NDUFA13: variants seen among roughly 807,000 people sequenced by gnomAD.
NDUFA13 encodes NADH:ubiquinone oxidoreductase subunit A13.
A neutral mutation model predicts 17.0 loss-of-function variants in NDUFA13; 16 were observed. The observed-to-expected ratio is 0.94, with a 90% CI of 0.64 to 1.43. The LOEUF is 1.43. Among genes scored for constraint, NDUFA13 ranks in the 40% most tolerant of loss-of-function variants. The pLI is 0.00. For missense variants in NDUFA13, 228 were observed against 206.7 expected, an observed-to-expected ratio of 1.10 and a Z score of -0.63; for synonymous variants, 87 against 78.4, an observed-to-expected ratio of 1.11 and a Z score of -0.58.
intron 1 of NDUFA13, among the ~76,000 whole-genome samples, chr19:19,519,091 A>T (rs1370389908): frequency 7.7e-6 from 1 of 129,490 alleles, no homozygotes; most frequent in East Asian, 2.2e-4. Flanking sequence ...GGGTTTCACC[A>T]TGTAGGCCAG....
At chr19:19,526,816 TG>T in intron 2 of NDUFA13, 1 of 284,830 alleles carries the variant, frequency 3.5e-6, no homozygotes, top group South Asian at 3.3e-5. Flanking sequence ...GACTGGGAGA[TG>T]GGGGTCATTG....
chr19:19,519,595 C>T (rs1311250405), intron 1 of NDUFA13, among the ~76,000 whole-genome samples: 2 of 152,204 alleles, frequency 1.3e-5, no homozygotes, highest in Admixed American at 1.3e-4. Flanking sequence ...TGGTTCCGGG[C>T]CCTGTCCCCA....
At chr19:19,522,972 TTC>T (rs2061084758) in intron 1 of NDUFA13, among the ~76,000 whole-genome samples, 2 of 152,356 alleles carry the variant, frequency 1.3e-5, no homozygotes, top group South Asian at 4.1e-4. Context: ...CTCAGTTCTG[TTC>T]CATTGATGAA....
chr19:19,516,254 G>A lies in NDUFA13; in HGVS notation c.16G>A (p.Val6Met), dbSNP rs750632502. 5.0e-6 allele frequency: 8 copies of A among 1,614,070 alleles called. No individual in the cohort carries two copies. The Middle Eastern group carries it at 8.2e-4, about 166-fold the overall frequency. Reference sequence around the variant, plus strand: ...TACTGCGAGTATGGCGGCGTCAAAGGTGAAGCAGGACATGCCTCCGCCGGG... The same window carrying A: ...TACTGCGAGTATGGCGGCGTCAAAGATGAAGCAGGACATGCCTCCGCCGGG... MAASK[V>M]KQDMPPPGGY... The change falls in exon 1 of 5, where the codon GTG becomes ATG. Residue 6 changes from valine (V) to methionine (M), a missense_variant. Physicochemically the swap from Val to Met is conservative, Grantham distance 21 (BLOSUM62 1). Coordinates refer to ENST00000507754, the MANE Select transcript of NDUFA13 (RefSeq NM_015965.7).
rs368887750 is a variant in NDUFA13, at chr19:19,521,645, C to T, written c.95-4537C>T. On this transcript the variant is annotated intron_variant, in intron 1 of 4. Coordinates refer to ENST00000507754, the MANE Select transcript of NDUFA13 (RefSeq NM_015965.7). The stretch of plus-strand genomic sequence containing the variant: ...TGAGATGGAGTCTTGCTCTGTCGCC[C>T]GGGCTGGAGTGTAGTGGCACGATCT... Among the ~76,000 whole-genome samples the T allele has an allele frequency of 2.9e-3, 42 of 14,518 alleles. 2 individuals are homozygous for T. The South Asian group carries it at 0.057, about 20-fold the overall frequency. The allele number at this position is 14,518 out of a possible 152,430, so 9.5% of individuals were successfully genotyped here. A position where few individuals can be genotyped will look rare whatever the true frequency, so the allele number is the denominator to read the frequency against.
Position 19,516,346 on chromosome 19 carries a change from T to C in NDUFA13, c.94+14T>C. 6.2e-7 allele frequency: 1 copy of C among 1,612,652 alleles called. No homozygotes were observed. The highest frequency in any genetic ancestry group is 1.1e-5 in the South Asian group (1 of 91,050). ...GAGGACTGTCGGGTCAGTATCACTC[T>C]GCGCCGGGGTCTCAGAGTCTGGGCA... On this transcript the variant is annotated intron_variant, in intron 1 of 4. Coordinates refer to ENST00000507754, the MANE Select transcript of NDUFA13 (RefSeq NM_015965.7).
At chr19:19,527,869 G>A (rs761208350) in intron 4 of NDUFA13, 99 bp downstream of exon 4, 4 of 1,474,392 alleles carry the variant, frequency 2.7e-6, no homozygotes, top group Non-Finnish European at 3.7e-6. Flanking sequence ...CCAGGACCAA[G>A]GGGGTGGTGG....
At chr19:19,516,478 C>G (rs2061049587) in intron 1 of NDUFA13, 146 bp downstream of exon 1, 4 of 859,850 alleles carry the variant, frequency 4.7e-6, no homozygotes, top group Non-Finnish European at 5.7e-6. Flanking sequence ...TGTAATAACG[C>G]TAAGTGCTGC....
chr19:19,523,204 G>A (rs908602816), intron 1 of NDUFA13, among the ~76,000 whole-genome samples: 6 of 152,234 alleles, frequency 3.9e-5, no homozygotes, highest in Non-Finnish European at 7.3e-5. Flanking sequence ...TTTCAAATCT[G>A]TATCAGTTTG....
At chr19:19,527,557 TG>T in intron 3 of NDUFA13, 143 bp from the exon 4 acceptor site, 1 of 937,698 alleles carries the variant, frequency 1.1e-6, no homozygotes, top group Non-Finnish European at 1.7e-6. Flanking sequence ...GCACTGGGGT[TG>T]GGGCAAGAGA....
At position 19,516,435 on chromosome 19, in the gene NDUFA13, C is replaced by T. The variant is rs943035470; in HGVS notation, c.94+103C>T. 3.5e-5 allele frequency: 44 copies of T among 1,248,464 alleles called. 1 individual carries two copies. The highest frequency in any genetic ancestry group is 3.4e-4 in the South Asian group (27 of 80,134). The allele number at this position is 1,248,464 out of a possible 1,614,324, so 77.3% of individuals were successfully genotyped here. On this transcript the variant is annotated intron_variant, in intron 1 of 4. Coordinates refer to ENST00000507754, the MANE Select transcript of NDUFA13 (RefSeq NM_015965.7). ...GCCTCAGTTTTCCCGGCGGTGTGACCGGAGGCGGAGCCCGGGGATCCATCA... is the reference window on the plus strand; with the variant it reads ...GCCTCAGTTTTCCCGGCGGTGTGACTGGAGGCGGAGCCCGGGGATCCATCA...
chr19:19,525,241 A>G (rs1313962143), intron 1 of NDUFA13, among the ~76,000 whole-genome samples: 1 of 152,216 alleles, frequency 6.6e-6, no homozygotes, highest in African/African-American at 2.4e-5. Context: ...CTAACAGGTT[A>G]AATAACCAGG....
In NDUFA13 at chr19:19,527,326, A is replaced by G; in HGVS notation, c.219A>G (p.Pro73=). The stretch of plus-strand genomic sequence containing the variant: ...TCGAGGCTCGCATCGCGCTGTTGCC[A>G]CTGTTACAGGCAGAAACCGACCGGA... ...EDFEARIALL[P]LLQAETDRRT... is the part of the protein sequence containing the mutation. The change falls in exon 3 of 5, where the codon CCA becomes CCG. Residue 73 remains proline (P), a synonymous_variant. Transcript: ENST00000507754. 1 of 1,613,920 alleles carries G rather than the reference A, an allele frequency of 6.2e-7. No individual in the cohort carries two copies. The highest frequency in any genetic ancestry group is 8.5e-7 in the Non-Finnish European group (1 of 1,180,012).
chr19:19,526,625 G>A, intron 2 of NDUFA13: 1 of 362,122 alleles, frequency 2.8e-6, no homozygotes, highest in South Asian at 2.2e-5. Context: ...ATATGAGTGG[G>A]GGGCCTGCCT....
chr19:19,517,163 A>G (rs893029901), intron 1 of NDUFA13, among the ~76,000 whole-genome samples: 5 of 152,228 alleles, frequency 3.3e-5, no homozygotes, highest in Admixed American at 2.6e-4. Flanking sequence ...AAGAGAACTT[A>G]AAAGGCGCCC....
intron 1 of NDUFA13, among the ~76,000 whole-genome samples, chr19:19,520,066 G>A (rs2061069996): frequency 6.9e-6 from 1 of 144,948 alleles, no homozygotes; most frequent in Non-Finnish European, 1.5e-5. Flanking sequence ...GGATGGTCTC[G>A]ATCTCCTGAC....
chr19:19,521,444 C>T (rs2061077105), intron 1 of NDUFA13, among the ~76,000 whole-genome samples: 1 of 152,276 alleles, frequency 6.6e-6, no homozygotes, highest in Non-Finnish European at 1.5e-5. Flanking sequence ...TGTCGAACTC[C>T]TGGGCTCAAG....
chr19:19,520,911 C>T (rs924224083), intron 1 of NDUFA13, among the ~76,000 whole-genome samples: 1 of 152,182 alleles, frequency 6.6e-6, no homozygotes, highest in African/African-American at 2.4e-5. Context: ...GTTGTGTTTT[C>T]ATTTTTTGAT....
At position 19,516,314 on chromosome 19, in the gene NDUFA13, C is replaced by G. The variant is rs761042781; in HGVS notation, c.76C>G (p.Pro26Ala). 3 of 1,613,600 alleles carry G rather than the reference C, an allele frequency of 1.9e-6. No homozygotes were observed. In the African/African-American group the frequency reaches 4.0e-5, roughly 22 times the overall value. The change falls in exon 1 of 5, where the codon CCG (proline) becomes GCG (alanine). Residue 26 changes from proline to alanine, a missense_variant. Physicochemically the swap from Pro to Ala is conservative, Grantham distance 27. Transcript: ENST00000507754. ...YGPIDYKRNL[P>A]RRGLSGYSML... The stretch of plus-strand genomic sequence containing the variant: ...GCCCATCGACTACAAACGGAACTTG[C>G]CGCGTCGAGGACTGTCGGGTCAGTA...
Sources: gnomAD v4.1 joint callset for allele counts (sites outside exome capture counted in the v4.1 genomes callset) on GRCh38, gnomAD v4.1.1 for gene constraint, MANE v1.5 for transcripts, NCBI Gene and HGNC (gene_info 2026-07-23, HGNC 2026-07-21) for gene names.